The following CDK8 variants were observed in gnomAD, a reference collection of about 807,000 sequenced individuals.
The protein encoded by CDK8 is cyclin dependent kinase 8.
Under a neutral mutation model 71.5 loss-of-function variants are expected in CDK8, and 29 were observed. The observed-to-expected ratio is 0.41, with a 90% CI of 0.30 to 0.55. The LOEUF is 0.55. Among genes scored for constraint, CDK8 ranks in the 20% least tolerant of loss-of-function variants. CDK8 has a pLI of 0.37. For synonymous variants in CDK8, 161 were observed against 192.1 expected (o/e 0.84, Z 1.34); for missense variants, 288 against 572.6 (o/e 0.50, Z 5.07).
At chr13:26,344,942 G>A (rs1312709035) in intron 2 of CDK8, among the ~76,000 whole-genome samples, 1 of 152,104 alleles carries the variant, frequency 6.6e-6, no homozygotes, top group Non-Finnish European at 1.5e-5. Flanking sequence ...GCCAGTATTA[G>A]AGGCATTTAT....
intron 1 of CDK8, among the ~76,000 whole-genome samples, chr13:26,287,365 C>G (rs1873071418): frequency 1.3e-5 from 2 of 152,122 alleles, no homozygotes; most frequent in Non-Finnish European, 1.5e-5. Context: ...AACACACATA[C>G]ACACCATGGA....
In CDK8 at chr13:26,404,077, A is replaced by T; in HGVS notation, c.1391A>T (p.Tyr464Phe). 6.2e-7 allele frequency: 1 copy of T among 1,613,902 alleles called. No homozygotes were observed. ...PPQYSHQTHR[Y>F] ...CAGTACTCACATCAGACACATCGGTACTGAGCTGCATCGGAATCTTGTCCA... is the reference window on the plus strand; with the variant it reads ...CAGTACTCACATCAGACACATCGGTTCTGAGCTGCATCGGAATCTTGTCCA... The change falls in exon 13 of 13, where the codon TAC becomes TTC. Residue 464 changes from tyrosine to phenylalanine, a missense_variant. By Grantham distance (22) the Tyr-to-Phe change is conservative. Around this residue, in one of 6 missense-constraint regions of CDK8, gnomAD observed 76 missense variants for 99.7 expected, o/e 0.76. Coordinates refer to ENST00000381527, the MANE Select transcript of CDK8 (RefSeq NM_001260.3).
At chr13:26,358,811 C>T (rs4770973) in intron 4 of CDK8, among the ~76,000 whole-genome samples, 151,944 of 152,322 alleles carry the variant, frequency 1, 75,785 homozygotes, top group Middle Eastern at 1. Context: ...TATTATTCAA[C>T]CTTAAAAAGG....
intron 5 of CDK8, among the ~76,000 whole-genome samples, 185 bp from the exon 6 acceptor site, chr13:26,385,026 A>G (rs1875409878): frequency 6.6e-6 from 1 of 152,214 alleles, no homozygotes; most frequent in African/African-American, 2.4e-5. Flanking sequence ...GGTAACAGTA[A>G]TTTGAAGAGA....
chr13:26,380,749 G>A (rs1324096342), intron 4 of CDK8, among the ~76,000 whole-genome samples: 4 of 152,158 alleles, frequency 2.6e-5, no homozygotes, highest in Non-Finnish European at 5.9e-5. Flanking sequence ...CCAAAGTGCT[G>A]GCATTACAGG....
intron 4 of CDK8, among the ~76,000 whole-genome samples, chr13:26,362,958 A>G (rs541688837): frequency 1.3e-5 from 2 of 151,468 alleles, no homozygotes; most frequent in African/African-American, 2.4e-5. Flanking sequence ...ATGGCATATA[A>G]TGTTGAGTGA....
At chr13:26,336,372 A>C (rs184168147) in intron 1 of CDK8, among the ~76,000 whole-genome samples, 537 of 152,232 alleles carry the variant, frequency 3.5e-3, no homozygotes, top group African/African-American at 0.012. Flanking sequence ...AGTGGATATA[A>C]ACTTCTGTAG....
intron 1 of CDK8, among the ~76,000 whole-genome samples, chr13:26,334,931 T>G (rs1235255182): frequency 3.3e-5 from 5 of 152,134 alleles, no homozygotes. Context: ...TATTCGTTCC[T>G]TTATCTGTCC....
chr13:26,254,580 C>T lies in CDK8; in HGVS notation c.-62C>T, dbSNP rs1593218733. ...GGGGGCTGCGGCTGCCCGTGCTTCC[C>T]CGGTCCCCACCCCTGCCCCCCGGCC... On this transcript the variant is annotated 5_prime_UTR_variant, in exon 1 of 13. Transcript: ENST00000381527. This position sits in a 1 kb window ranked among gnomAD's most constrained non-coding sequence, Gnocchi z 6.7. 1 of 1,403,842 alleles carries T rather than the reference C, an allele frequency of 7.1e-7. No individual in the cohort carries two copies. The highest frequency in any genetic ancestry group is 2.6e-5 in the East Asian group (1 of 39,148). 87.0% of individuals were successfully genotyped at this position (1,403,842 alleles called of 1,614,324 possible).
chr13:26,335,275 A>C (rs1872929577), intron 1 of CDK8, among the ~76,000 whole-genome samples: 1 of 152,088 alleles, frequency 6.6e-6, no homozygotes, highest in Admixed American at 6.5e-5. Flanking sequence ...CTACTCCACT[A>C]TCCATTGTTG....
chr13:26,327,963 CTT>C (rs35077180), intron 1 of CDK8, among the ~76,000 whole-genome samples: 2 of 143,746 alleles, frequency 1.4e-5, no homozygotes, highest in Non-Finnish European at 1.5e-5. Flanking sequence ...TAAGAGCTGT[CTT>C]TTTTTTTTTT....
At chr13:26,338,249 G>A (rs1300403404) in intron 2 of CDK8, among the ~76,000 whole-genome samples, 2 of 152,018 alleles carry the variant, frequency 1.3e-5, no homozygotes, top group Non-Finnish European at 2.9e-5. Context: ...GGGTCCAAAT[G>A]TGTCTTTTCT....
intron 1 of CDK8, among the ~76,000 whole-genome samples, chr13:26,259,834 A>C (rs1274347780): frequency 6.6e-6 from 1 of 152,208 alleles, no homozygotes; most frequent in Non-Finnish European, 1.5e-5. Context: ...GCACTGTCCA[A>C]GGTATTGGGA....
At chr13:26,373,882 T>TA (rs896651296) in intron 4 of CDK8, among the ~76,000 whole-genome samples, 3 of 151,634 alleles carry the variant, frequency 2.0e-5, no homozygotes, top group Admixed American at 6.6e-5. Context: ...TCAGAAGTGT[T>TA]AAAAAATTTC....
chr13:26,397,284 CTG>C, intron 9 of CDK8, 59 bp downstream of exon 9: 1 of 1,068,010 alleles, frequency 9.4e-7, no homozygotes, highest in Non-Finnish European at 1.4e-6. Context: ...ACTAGCCCAA[CTG>C]AGGCTTTTTT....
intron 1 of CDK8, among the ~76,000 whole-genome samples, chr13:26,302,337 A>G (rs185058791): frequency 7.5e-4 from 115 of 152,324 alleles, no homozygotes; most frequent in African/African-American, 1.9e-3. Flanking sequence ...TCAAGGTTTC[A>G]CCCAAAGGGT....
At chr13:26,361,131 G>A (rs894626936) in intron 4 of CDK8, among the ~76,000 whole-genome samples, 1 of 151,930 alleles carries the variant, frequency 6.6e-6, no homozygotes, top group Non-Finnish European at 1.5e-5. Context: ...TCTTAAGGTT[G>A]GAACATTACT....
intron 1 of CDK8, among the ~76,000 whole-genome samples, chr13:26,298,632 A>T (rs1005809553): frequency 6.6e-6 from 1 of 152,142 alleles, no homozygotes; most frequent in Admixed American, 6.6e-5. Flanking sequence ...CAAGCAAATG[A>T]TGACCAGGAT....
chr13:26,370,185 CAT>C (rs1208812203), intron 4 of CDK8, among the ~76,000 whole-genome samples: 6 of 152,292 alleles, frequency 3.9e-5, no homozygotes, highest in Admixed American at 2.6e-4. Context: ...ATAACACTGA[CAT>C]AGAACCTGAT....
Sources: gnomAD v4.1 joint callset for allele counts (sites outside exome capture counted in the v4.1 genomes callset) on GRCh38, gnomAD v4.1.1 for gene constraint, gnomAD v4.1.1 regional missense constraint, Gnocchi (gnomAD v3.1) non-coding constraint, MANE v1.5 for transcripts, NCBI Gene and HGNC (gene_info 2026-07-23, HGNC 2026-07-21) for gene names.